The following ESPNL variants were observed in gnomAD, a reference collection of about 807,000 sequenced individuals.
The protein encoded by ESPNL is espin like, also known as espin-like protein.
In ESPNL, 49 loss-of-function variants were observed where a neutral mutation model predicts 46.8. The ratio of observed to expected loss-of-function variants is 1.05; its 90% CI spans 0.83 to 1.33. The LOEUF is 1.33. Among genes scored for constraint, ESPNL ranks in the 40% most tolerant of loss-of-function variants. The pLI is 0.00. For missense variants in ESPNL, 1,540 were observed against 1,436.6 expected (o/e 1.07, Z -1.16); for synonymous variants, 664 against 662.1 (o/e 1.00, Z -0.04).
chr2:238,128,882 C>T lies in ESPNL; in HGVS notation c.1391C>T (p.Ala464Val), dbSNP rs988275970. 11 of 1,543,522 alleles carry T rather than the reference C, an allele frequency of 7.1e-6. 1 individual carries two copies. Among genetic ancestry groups the T allele is most frequent in the African/African-American group, 6.9e-5 (5 of 72,972 alleles). Residue 464 changes from alanine (A) to valine (V), a missense_variant, in exon 8 of 9, where the codon GCA becomes GTA. Coordinates refer to ENST00000343063, the MANE Select transcript of ESPNL (RefSeq NM_194312.4). ...MVRKLQARLGAESSAEAQDNG... is the reference protein window; with the variant it reads ...MVRKLQARLGVESSAEAQDNG... ...CGGAAGCTGCAGGCGCGCCTGGGCG[C>T]AGAGAGCTCCGCAGAGGCCCAGGTA...
intron 2 of ESPNL, among the ~76,000 whole-genome samples, chr2:238,103,122 T>C (rs1212860112): frequency 6.6e-6 from 1 of 152,214 alleles, no homozygotes; most frequent in African/African-American, 2.4e-5. Flanking sequence ...GTTTCCACCA[T>C]TGAAAACTGG....
chr2:238,127,428 C>G (rs934479517), intron 6 of ESPNL, 194 bp from the exon 7 acceptor site: 5 of 1,321,768 alleles, frequency 3.8e-6, no homozygotes, highest in Non-Finnish European at 4.8e-6. Flanking sequence ...CAGGCGGGGG[C>G]GGGCCCCACT....
intron 5 of ESPNL, among the ~76,000 whole-genome samples, chr2:238,119,483 G>GTA (rs1691933271): frequency 1.1e-5 from 1 of 91,408 alleles, no homozygotes; most frequent in African/African-American, 4.8e-5. Context: ...GATGGAGGAG[G>GTA]TGGATGGAGG....
intron 4 of ESPNL, among the ~76,000 whole-genome samples, chr2:238,109,293 A>G (rs1388282854): frequency 6.6e-6 from 1 of 152,214 alleles, no homozygotes; most frequent in East Asian, 1.9e-4. Flanking sequence ...AAGTTTAATA[A>G]ATCAGCTGAC....
intron 4 of ESPNL, among the ~76,000 whole-genome samples, chr2:238,115,950 G>T (rs1023230420): frequency 2.0e-5 from 3 of 152,190 alleles, no homozygotes; most frequent in Non-Finnish European, 4.4e-5. Context: ...GGGATTACGG[G>T]CATGAGCCAC....
intron 7 of ESPNL, among the ~76,000 whole-genome samples, chr2:238,128,212 C>T (rs988610898): frequency 1.2e-4 from 18 of 152,220 alleles, no homozygotes; most frequent in Admixed American, 8.5e-4. Flanking sequence ...CTGCGTGGTA[C>T]TGCAGATTCT....
chr2:238,129,118 T>C (rs983754923), intron 8 of ESPNL: 5 of 1,406,538 alleles, frequency 3.6e-6, no homozygotes, highest in Non-Finnish European at 2.8e-6. Flanking sequence ...GAGGCATGGG[T>C]CCCACGTATC....
intron 5 of ESPNL, among the ~76,000 whole-genome samples, chr2:238,121,769 C>G (rs989285301): frequency 5.3e-5 from 8 of 152,230 alleles, no homozygotes; most frequent in Admixed American, 5.2e-4. Flanking sequence ...GGTGGGCCCT[C>G]CGGACAGGTG....
rs1167469291 is a variant in ESPNL at position 238,131,381 on chromosome 2, G to A, written c.2667G>A (p.Leu889=). Residue 889 remains leucine, a synonymous_variant, in exon 9 of 9, where the codon CTG becomes CTA. Coordinates refer to ENST00000343063, the MANE Select transcript of ESPNL (RefSeq NM_194312.4). ...HLLCFEVFEH[L]GTHGWEAVRA... is the part of the protein sequence containing the mutation. ...TGTGCTTCGAGGTCTTCGAGCACCTGGGCACCCACGGCTGGGAGGCTGTGC... is the reference window on the plus strand; with the variant it reads ...TGTGCTTCGAGGTCTTCGAGCACCTAGGCACCCACGGCTGGGAGGCTGTGC... 4.4e-6 allele frequency: 7 copies of A among 1,604,598 alleles called. No individual in the cohort carries two copies. In the African/African-American group the frequency reaches 5.3e-5, roughly 12 times the overall value.
Position 238,130,325 on chromosome 2 carries a change from G to A in ESPNL, c.1611G>A (p.Leu537=). Reference sequence around the variant, plus strand: ...AGCTGGGCCGGTTGGCGGCTGAGCTGCAGGCCCTGCTGCCCGAGCCCCTGG... The same window carrying A: ...AGCTGGGCCGGTTGGCGGCTGAGCTACAGGCCCTGCTGCCCGAGCCCCTGG... ...ESELGRLAAE[L]QALLPEPLVS... The change falls in exon 9 of 9, where the codon CTG becomes CTA. Residue 537 remains leucine (L), a synonymous_variant. Coordinates refer to ENST00000343063, the MANE Select transcript of ESPNL (RefSeq NM_194312.4). 6.2e-7 allele frequency: 1 copy of A among 1,607,380 alleles called. No individual in the cohort carries two copies.
Position 238,105,978 on chromosome 2 carries a change from C to T in ESPNL, c.672+1136C>T, listed in dbSNP as rs545466358. On this transcript the variant is annotated intron_variant, in intron 3 of 8. Coordinates refer to ENST00000343063, the MANE Select transcript of ESPNL (RefSeq NM_194312.4). ...ACTGCACCCTGTGCCTGGCACACAG[C>T]TCCCCAGCTGCCCCTGGGGCCTTCC... Among the ~76,000 whole-genome samples the T allele has an allele frequency of 6.6e-5, 10 of 152,252 alleles. No homozygotes were observed. The East Asian group carries it at 1.9e-3, about 29-fold the overall frequency.
chr2:238,118,553 G>GGA (rs1327595156), intron 5 of ESPNL, among the ~76,000 whole-genome samples: 1 of 117,828 alleles, frequency 8.5e-6, no homozygotes, highest in African/African-American at 3.5e-5. Flanking sequence ...GATGGAAGAG[G>GGA]TGGATGGAGG....
chr2:238,112,115 C>T (rs961317732), intron 4 of ESPNL, among the ~76,000 whole-genome samples: 7 of 151,844 alleles, frequency 4.6e-5, no homozygotes, highest in Non-Finnish European at 1.0e-4. Flanking sequence ...GGAATTCACT[C>T]GTGAAATCCT....
In ESPNL at chr2:238,127,772, C is replaced by G; in HGVS notation, c.1215+38C>G. Reference sequence around the variant, plus strand: ...CCCCTGCATTCCTGTCTCCCGGGGCCCCTAGCCAGCCTCCATTCCCATCCT... The same window carrying G: ...CCCCTGCATTCCTGTCTCCCGGGGCGCCTAGCCAGCCTCCATTCCCATCCT... On this transcript the variant is annotated intron_variant, in intron 7 of 8. Coordinates refer to ENST00000343063, the MANE Select transcript of ESPNL (RefSeq NM_194312.4). The G allele has an allele frequency of 2.0e-6, 3 of 1,509,002 alleles. No homozygotes were observed. In the African/African-American group the frequency reaches 4.1e-5, roughly 21 times the overall value. 93.5% of individuals were successfully genotyped at this position (1,509,002 alleles called of 1,614,324 possible). A position where few individuals can be genotyped will look rare whatever the true frequency, so the allele number is the denominator to read the frequency against.
chr2:238,117,759 G>C (rs1174582545), intron 5 of ESPNL, among the ~76,000 whole-genome samples: 1 of 152,248 alleles, frequency 6.6e-6, no homozygotes, highest in African/African-American at 2.4e-5. Flanking sequence ...AGAAAAGCAG[G>C]TGGATGCATG....
Position 238,131,337 on chromosome 2 carries a change from C to A in ESPNL, c.2623C>A (p.Arg875=). The A allele has an allele frequency of 6.3e-7, 1 of 1,591,766 alleles. No homozygotes were observed. Among genetic ancestry groups the A allele is most frequent in the Non-Finnish European group, 8.5e-7 (1 of 1,169,872 alleles). The change falls in exon 9 of 9, where the codon CGG becomes AGG. Residue 875 remains arginine, a synonymous_variant. Transcript: ENST00000343063. ...LLECDLPAEE[R]KLRHLLCFEV... is the part of the protein sequence containing the mutation. Reference sequence around the variant, plus strand: ...GGAGTGCGACCTGCCGGCGGAGGAGCGGAAGCTGCGCCACCTGCTGTGCTT... The same window carrying A: ...GGAGTGCGACCTGCCGGCGGAGGAGAGGAAGCTGCGCCACCTGCTGTGCTT...
chr2:238,107,798 T>A lies in ESPNL; in HGVS notation c.680T>A (p.Phe227Tyr). 1 of 1,589,088 alleles carries A rather than the reference T, an allele frequency of 6.3e-7. No individual in the cohort carries two copies. Among genetic ancestry groups the A allele is most frequent in the Non-Finnish European group, 8.6e-7 (1 of 1,167,710 alleles). The stretch of plus-strand genomic sequence containing the variant: ...CTGCCCCTCCTTCCCCAGGTCACAT[T>A]CACCGACATCGGACTCACGGCACGG... Reference protein sequence around the residue: ...HYSLVVWLVTFTDIGLTARDN... With the variant: ...HYSLVVWLVTYTDIGLTARDN... The change falls in exon 4 of 9, where the codon TTC (phenylalanine) becomes TAC (tyrosine). Residue 227 changes from phenylalanine (F) to tyrosine (Y), a missense_variant. Physicochemically the swap from Phe to Tyr is conservative, Grantham distance 22. Coordinates refer to ENST00000343063, the MANE Select transcript of ESPNL (RefSeq NM_194312.4).
chr2:238,126,778 T>C (rs1315199153), intron 6 of ESPNL, among the ~76,000 whole-genome samples: 1 of 151,350 alleles, frequency 6.6e-6, no homozygotes, highest in African/African-American at 2.4e-5. Flanking sequence ...CTGTGTGTGA[T>C]TCTGTGTGAT....
At chr2:238,128,645 C>G in intron 7 of ESPNL, 62 bp from the exon 8 acceptor site, 2 of 1,497,766 alleles carry the variant, frequency 1.3e-6, no homozygotes, top group Non-Finnish European at 1.8e-6. Context: ...CCTCTCGGAT[C>G]TTCCCTCCAC....
Sources: allele counts gnomAD v4.1 joint callset (sites outside exome capture counted in the v4.1 genomes callset), GRCh38; gene constraint gnomAD v4.1.1; transcripts MANE v1.5; gene names NCBI Gene and HGNC (gene_info 2026-07-23, HGNC 2026-07-21).